The following TENM3 variants were observed in gnomAD, a reference collection of about 807,000 sequenced individuals.
TENM3 encodes the protein teneurin-3.
Under a neutral mutation model 255.1 loss-of-function variants are expected in TENM3, and 63 were observed. The ratio of observed to expected loss-of-function variants is 0.25; its 90% CI spans 0.20 to 0.30. The LOEUF is 0.30. TENM3 is among the 10% of genes least tolerant of loss of function. The probability of loss-of-function intolerance (pLI) is 1.00; values close to 1 mark genes in which losing one functional copy is unlikely to be tolerated. For synonymous variants in TENM3, 1,306 were observed against 1,322.3 expected (o/e 0.99, Z 0.27); for missense variants, 2,929 against 3,461.1 (o/e 0.85, Z 3.86).
At chr4:182,014,161 CA>C in the TENM3 span, among the ~76,000 whole-genome samples, 2 of 145,232 alleles carry the variant, frequency 1.4e-5, no homozygotes, top group Non-Finnish European at 3.0e-5. Context: ...TATATATATA[CA>C]TATATATACA....
chr4:181,513,588 CG>C, the TENM3 span, among the ~76,000 whole-genome samples: 4 of 152,134 alleles, frequency 2.6e-5, no homozygotes, highest in Non-Finnish European at 5.9e-5. Context: ...TCCAGAAAGA[CG>C]GGAACAATAA....
chr4:182,034,744 A>G, the TENM3 span, among the ~76,000 whole-genome samples: 1 of 152,200 alleles, frequency 6.6e-6, no homozygotes, highest in African/African-American at 2.4e-5. Flanking sequence ...GTTTCTGCTG[A>G]AAGGTCCACT....
the TENM3 span, among the ~76,000 whole-genome samples, chr4:181,496,204 A>G: frequency 6.6e-6 from 1 of 152,216 alleles, no homozygotes; most frequent in Admixed American, 6.5e-5. Flanking sequence ...GAGAAACGAA[A>G]CTTGAGGAGC....
intron 6 of TENM3, among the ~76,000 whole-genome samples, chr4:182,672,393 T>C (rs1196034835): frequency 6.6e-6 from 1 of 152,174 alleles, no homozygotes; most frequent in Non-Finnish European, 1.5e-5. Flanking sequence ...TATAACAGCC[T>C]ACACAAAAGC....
intron 5 of TENM3, among the ~76,000 whole-genome samples, 153 bp from the exon 6 acceptor site, chr4:182,653,616 CTT>C (rs139000221): frequency 0.028 from 4,306 of 152,282 alleles, 110 homozygotes; most frequent in Non-Finnish European, 0.038. Flanking sequence ...TTGAGGAACT[CTT>C]TGTTTTATAA....
the TENM3 span, among the ~76,000 whole-genome samples, chr4:181,883,126 C>CTTTTTTTTTTTTTTTTTTTT: frequency 1.4e-4 from 15 of 106,682 alleles, no homozygotes; most frequent in East Asian, 2.3e-4. Flanking sequence ...TGCAATTAAT[C>CTTTTTTTTTTTTTTTTTTTT]TTTTTTTTTT....
intron 3 of TENM3, among the ~76,000 whole-genome samples, chr4:182,544,920 T>G (rs985643540): frequency 3.9e-5 from 6 of 152,214 alleles, no homozygotes; most frequent in African/African-American, 1.4e-4. Flanking sequence ...TTTTCTTACC[T>G]GAACAAGAGT....
intron 3 of TENM3, among the ~76,000 whole-genome samples, chr4:182,505,532 G>A (rs1371739548): frequency 1.3e-5 from 2 of 151,986 alleles, no homozygotes; most frequent in African/African-American, 4.8e-5. Flanking sequence ...AGGCTGGAGT[G>A]CAATGGCGCA....
the TENM3 span, among the ~76,000 whole-genome samples, chr4:181,599,427 A>G: frequency 1.2e-4 from 18 of 152,358 alleles, no homozygotes; most frequent in Admixed American, 3.9e-4. Context: ...AAAGGCCACA[A>G]TAAATTACAT....
intron 3 of TENM3, among the ~76,000 whole-genome samples, chr4:182,496,989 G>GT (rs144129610): frequency 0.011 from 1,673 of 151,990 alleles, 32 homozygotes; most frequent in African/African-American, 0.038. Context: ...TTAACAAGTG[G>GT]TTTTGGGCTC....
chr4:182,167,334 A>T (rs530250945), intron 1 of TENM3, among the ~76,000 whole-genome samples: 1 of 152,376 alleles, frequency 6.6e-6, no homozygotes, highest in East Asian at 1.9e-4. Flanking sequence ...TAGGCTTAGA[A>T]GTATAAATTT....
At chr4:182,313,803 T>G (rs991853879) in intron 1 of TENM3, among the ~76,000 whole-genome samples, 2 of 152,166 alleles carry the variant, frequency 1.3e-5, no homozygotes, top group African/African-American at 4.8e-5. Context: ...TCAACTCTTT[T>G]CTTTTCCTCA....
At position 182,789,443 on chromosome 4, in the gene TENM3, GCAATCATCC is replaced by G; in HGVS notation, c.5601+55_5601+63del. ...GGGAAAGGATAATTCACATTTTTCA[GCAATCATCC>G]AGAGCACTAAGGGGAAAAAAAACAG... On this transcript the variant is annotated intron_variant, in intron 25 of 27. Coordinates refer to ENST00000511685, the MANE Select transcript of TENM3 (RefSeq NM_001080477.4). This position sits in a 1 kb window ranked among gnomAD's most constrained non-coding sequence, Gnocchi z 4.4. 2 of 1,524,096 alleles carry G rather than the reference GCAATCATCC, an allele frequency of 1.3e-6. No homozygotes were observed. Among genetic ancestry groups the G allele is most frequent in the Non-Finnish European group, 1.8e-6 (2 of 1,122,518 alleles). The allele number at this position is 1,524,096 out of a possible 1,614,324, so 94.4% of individuals were successfully genotyped here.
intron 24 of TENM3, among the ~76,000 whole-genome samples, chr4:182,775,455 T>TC (rs1292135799): frequency 6.6e-6 from 1 of 152,168 alleles, no homozygotes; most frequent in African/African-American, 2.4e-5. Context: ...TCCAGGTCAC[T>TC]TTCACAGAGC....
the TENM3 span, among the ~76,000 whole-genome samples, chr4:181,511,766 G>A: frequency 0.21 from 31,294 of 152,114 alleles, 4,132 homozygotes; most frequent in Non-Finnish European, 0.3. Flanking sequence ...GAGGGTAGTC[G>A]GGAGCTCTAT....
the TENM3 span, among the ~76,000 whole-genome samples, chr4:181,757,417 G>A: frequency 1.3e-5 from 2 of 152,132 alleles, no homozygotes; most frequent in Non-Finnish European, 2.9e-5. Flanking sequence ...TCATGTTTTG[G>A]AGAGTCCAAA....
intron 4 of TENM3, among the ~76,000 whole-genome samples, chr4:182,618,017 C>A (rs777911784): frequency 6.6e-6 from 1 of 152,136 alleles, no homozygotes; most frequent in Non-Finnish European, 1.5e-5. Context: ...TCTCTTTATC[C>A]TAATTATTTG....
chr4:182,220,810 A>G (rs1755808798), intron 1 of TENM3, among the ~76,000 whole-genome samples: 1 of 152,170 alleles, frequency 6.6e-6, no homozygotes, highest in East Asian at 1.9e-4. Flanking sequence ...CCCTTTAATA[A>G]CTGGTAATTA....
At chr4:182,141,116 G>C (rs1246671273), upstream of TENM3, 1 of 152,218 alleles carries the variant, frequency 6.6e-6, no homozygotes, top group Non-Finnish European at 1.5e-5. Flanking sequence ...TGTGTGGCAA[G>C]AGGGGCCCAC....
Sources: allele counts gnomAD v4.1 joint callset (sites outside exome capture counted in the v4.1 genomes callset), GRCh38; gene constraint gnomAD v4.1.1; non-coding constraint Gnocchi (gnomAD v3.1); transcripts MANE v1.5; gene names NCBI Gene and HGNC (gene_info 2026-07-23, HGNC 2026-07-21).